Variants in TRAPPC13 observed in about 807,000 individuals in gnomAD.
TRAPPC13 encodes the protein trafficking protein particle complex subunit 13, also known as REV7-interacting novel NHEJ regulator 1.
Under a neutral mutation model 54.0 loss-of-function variants are expected in TRAPPC13, and 39 were observed. The ratio of observed to expected loss-of-function variants is 0.72; its 90% CI spans 0.56 to 0.94. The LOEUF (loss-of-function observed/expected upper bound fraction) is 0.94. TRAPPC13 is among the 40% of genes least tolerant of loss of function. TRAPPC13 has a pLI of 0.00. For synonymous variants in TRAPPC13, 148 were observed against 167.7 expected (o/e 0.88, Z 0.91); for missense variants, 386 against 488.1 (o/e 0.79, Z 1.97).
At chr5:65,656,379 A>G (rs1756652155) in intron 8 of TRAPPC13, among the ~76,000 whole-genome samples, 1 of 151,788 alleles carries the variant, frequency 6.6e-6, no homozygotes, top group Non-Finnish European at 1.5e-5. Context: ...GTCTGTGGTT[A>G]TTTTTTTAAA....
At chr5:65,628,894 T>C (rs1007859684) in intron 1 of TRAPPC13, among the ~76,000 whole-genome samples, 1 of 151,770 alleles carries the variant, frequency 6.6e-6, no homozygotes, top group Admixed American at 6.6e-5. Flanking sequence ...CTTGGCTCAC[T>C]GCAACCTCTG....
intron 3 of TRAPPC13, among the ~76,000 whole-genome samples, chr5:65,636,521 A>T (rs185511206): frequency 1.3e-5 from 2 of 152,234 alleles, no homozygotes; most frequent in East Asian, 3.9e-4. Context: ...AAAAAAAAAG[A>T]TATATACCAA....
intron 11 of TRAPPC13, 33 bp from the exon 12 acceptor site, chr5:65,664,204 G>T (rs1205959579): frequency 1.2e-6 from 2 of 1,602,252 alleles, no homozygotes. Flanking sequence ...AAATGAACAA[G>T]ATTTATTCCT....
chr5:65,625,235 C>T, intron 1 of TRAPPC13, 129 bp downstream of exon 1: 1 of 815,494 alleles, frequency 1.2e-6, no homozygotes, highest in East Asian at 2.6e-5. Context: ...TCCTTTGCCG[C>T]CAAGCGGGAG....
At chr5:65,625,707 G>A (rs1755186082) in intron 1 of TRAPPC13, among the ~76,000 whole-genome samples, 1 of 152,040 alleles carries the variant, frequency 6.6e-6, no homozygotes, top group African/African-American at 2.4e-5. Flanking sequence ...GGAAAAAACA[G>A]CAGCACTTTT....
intron 6 of TRAPPC13, among the ~76,000 whole-genome samples, chr5:65,651,646 T>TTGGG (rs1554129735): frequency 2.8e-5 from 4 of 142,350 alleles, no homozygotes; most frequent in African/African-American, 7.6e-5. Flanking sequence ...CACATTTATG[T>TTGGG]GGGGGGGGTG....
intron 6 of TRAPPC13, among the ~76,000 whole-genome samples, chr5:65,651,424 A>G (rs377150221): frequency 7.2e-5 from 11 of 152,330 alleles, no homozygotes; most frequent in African/African-American, 1.2e-4. Flanking sequence ...AAAACACACA[A>G]TGTAGACAAG....
At chr5:65,658,929 A>C (rs1407771527) in intron 9 of TRAPPC13, among the ~76,000 whole-genome samples, 2 of 151,964 alleles carry the variant, frequency 1.3e-5, no homozygotes, top group African/African-American at 4.8e-5. Flanking sequence ...CATATTGGCC[A>C]GGCTGGTCTT....
At chr5:65,625,174 C>A in intron 1 of TRAPPC13, 68 bp downstream of exon 1, 1 of 1,296,846 alleles carries the variant, frequency 7.7e-7, no homozygotes, top group African/African-American at 1.5e-5. Flanking sequence ...GAAGCCTTTG[C>A]CATGTAGGCC....
Position 65,636,389 on chromosome 5 carries a change from G to A in TRAPPC13, c.215+346G>A, listed in dbSNP as rs188149892. ...ACTCCTGACATCAGGTGATCCACCC[G>A]CCTCAGCCTCCCAAAGTGCTTGGAT... On this transcript the variant is annotated intron_variant, in intron 3 of 12. Transcript: ENST00000399438. Among the ~76,000 whole-genome samples, 25 of 151,894 alleles carry A rather than the reference G, an allele frequency of 1.6e-4. No homozygotes were observed. In the East Asian group the frequency reaches 3.7e-3, roughly 22 times the overall value.
intron 7 of TRAPPC13, among the ~76,000 whole-genome samples, chr5:65,654,667 G>A (rs936681086): frequency 1.3e-5 from 2 of 152,046 alleles, no homozygotes; most frequent in African/African-American, 4.8e-5. Context: ...AATATTATTG[G>A]CCCCACATCT....
intron 4 of TRAPPC13, among the ~76,000 whole-genome samples, chr5:65,643,065 T>C (rs1224721556): frequency 6.6e-6 from 1 of 152,140 alleles, no homozygotes; most frequent in African/African-American, 2.4e-5. Flanking sequence ...TTTTTTTATA[T>C]TTTTATCATT....
intron 3 of TRAPPC13, among the ~76,000 whole-genome samples, chr5:65,636,282 T>C (rs1397474941): frequency 6.6e-6 from 1 of 151,976 alleles, no homozygotes; most frequent in African/African-American, 2.4e-5. Context: ...TAGCTGGGAT[T>C]ACAGGCGTGC....
Position 65,665,832 on chromosome 5 carries a change from C to G in TRAPPC13, c.*1221C>G, listed in dbSNP as rs987138641. The G allele has an allele frequency of 6.6e-6, 1 of 152,470 alleles. No homozygotes were observed. The highest frequency in any genetic ancestry group is 1.5e-5 in the Non-Finnish European group (1 of 67,980). 9.4% of individuals were successfully genotyped at this position (152,470 alleles called of 1,614,324 possible). On this transcript the variant is annotated 3_prime_UTR_variant, in exon 13 of 13. Transcript: ENST00000399438. ...TTTGTCAGGAAAACAAAAGCTTAGG[C>G]TGTTAAATAAAAGCTATTCTATTTT...
intron 5 of TRAPPC13, among the ~76,000 whole-genome samples, chr5:65,648,116 T>C (rs1035421223): frequency 1.3e-5 from 2 of 152,198 alleles, no homozygotes; most frequent in South Asian, 4.1e-4. Context: ...CAGTAGTTCT[T>C]ACCATCACCA....
chr5:65,625,053 C>A lies in TRAPPC13; in HGVS notation c.-8C>A. 2 of 1,613,232 alleles carry A rather than the reference C, an allele frequency of 1.2e-6. No homozygotes were observed. The highest frequency in any genetic ancestry group is 1.7e-6 in the Non-Finnish European group (2 of 1,179,298). On this transcript the variant is annotated 5_prime_UTR_variant, in exon 1 of 13. Transcript: ENST00000399438. ...CCCGTAGGCTGTGGGTCAAAAGTGC[C>A]GGTCAAAATGGAAGTGAATCCCCCT... is the stretch of plus-strand genomic sequence containing the variant.
chr5:65,664,680 T>C lies in TRAPPC13; in HGVS notation c.*69T>C. On this transcript the variant is annotated 3_prime_UTR_variant, in exon 13 of 13. Coordinates refer to ENST00000399438, the MANE Select transcript of TRAPPC13 (RefSeq NM_024941.4). ...TGCTCTTTTTGTTACCTTTGTAAAA[T>C]GATGACGTCAACAACGAAGTAAATA... The C allele has an allele frequency of 8.9e-7, 1 of 1,121,650 alleles. No homozygotes were observed. The allele number at this position is 1,121,650 out of a possible 1,614,324, so 69.5% of individuals were successfully genotyped here. A position where few individuals can be genotyped will look rare whatever the true frequency, so the allele number is the denominator to read the frequency against.
intron 1 of TRAPPC13, among the ~76,000 whole-genome samples, chr5:65,627,167 G>C: frequency 1.1e-5 from 1 of 93,358 alleles, no homozygotes; most frequent in Admixed American, 1.1e-4. Context: ...AGAACAATAA[G>C]CAGCCTAAAC....
intron 9 of TRAPPC13, among the ~76,000 whole-genome samples, chr5:65,660,362 G>T (rs1344293231): frequency 2.0e-5 from 3 of 151,382 alleles, no homozygotes; most frequent in African/African-American, 7.3e-5. Context: ...AGAAGTTACA[G>T]TGAGCTATGA....
Sources: allele counts gnomAD v4.1 joint callset (sites outside exome capture counted in the v4.1 genomes callset), GRCh38; gene constraint gnomAD v4.1.1; transcripts MANE v1.5; gene names NCBI Gene and HGNC (gene_info 2026-07-23, HGNC 2026-07-21).